The following SF3B1 variants were observed in gnomAD, a reference collection of about 807,000 sequenced individuals.
The protein encoded by SF3B1 is pre-mRNA processing 10.
Under a neutral mutation model 153.8 loss-of-function variants are expected in SF3B1, and 12 were observed. The ratio of observed to expected loss-of-function variants is 0.08; its 90% confidence interval spans 0.05 to 0.13. The LOEUF is 0.13. Among genes scored for constraint, SF3B1 ranks in the 10% least tolerant of loss-of-function variants. The pLI is 1.00. For missense variants in SF3B1, 513 were observed against 1,606.1 expected, an observed-to-expected ratio of 0.32 and a Z score of 11.63; for synonymous variants, 498 against 525.2, an observed-to-expected ratio of 0.95 and a Z score of 0.71.
At chr2:197,422,667 GA>G (rs1280471602) in intron 2 of SF3B1, among the ~76,000 whole-genome samples, 2 of 151,968 alleles carry the variant, frequency 1.3e-5, no homozygotes, top group East Asian at 3.9e-4. Context: ...GAGGCAGGTG[GA>G]TCACGAGCTC....
chr2:197,399,050 GA>G, intron 20 of SF3B1: 1 of 1,299,104 alleles, frequency 7.7e-7, no homozygotes, highest in Admixed American at 2.4e-5. Context: ...TACGAAGAGA[GA>G]AAAAAGGAGG....
At chr2:197,398,816 A>G in intron 20 of SF3B1, 1 of 518,556 alleles carries the variant, frequency 1.9e-6, no homozygotes, top group Non-Finnish European at 3.6e-6. Flanking sequence ...GATGATGGAT[A>G]CTCAATAACA....
chr2:197,391,665 A>C lies in SF3B1; in HGVS notation c.*638T>G, dbSNP rs146620696. ...GTTCATAAAGCATTTTGAGAAATCA[A>C]GAGATGAAAGGCGCTATGTAAGTAC... On this transcript the variant is annotated 3_prime_UTR_variant, in exon 25 of 25. Coordinates refer to ENST00000335508, the MANE Select transcript of SF3B1 (RefSeq NM_012433.4). 12 of 152,378 alleles carry C rather than the reference A, an allele frequency of 7.9e-5. No individual in the cohort carries two copies. The highest frequency in any genetic ancestry group is 2.6e-4 in the African/African-American group (11 of 41,596). 9.4% of individuals were successfully genotyped at this position (152,378 alleles called of 1,614,324 possible). A position where few individuals can be genotyped will look rare whatever the true frequency, so the allele number is the denominator to read the frequency against.
chr2:197,415,083 G>A (rs1482590333), intron 6 of SF3B1, among the ~76,000 whole-genome samples: 1 of 151,046 alleles, frequency 6.6e-6, no homozygotes, highest in Non-Finnish European at 1.5e-5. Flanking sequence ...ATGTGAATGG[G>A]GTTAAGAGAT....
chr2:197,418,688 T>C (rs2085193095), intron 4 of SF3B1, 100 bp from the exon 5 acceptor site: 1 of 1,470,044 alleles, frequency 6.8e-7, no homozygotes, highest in Non-Finnish European at 9.0e-7. Context: ...TGTTATTCCA[T>C]AATCATTTAA....
chr2:197,391,685 A>G lies in SF3B1; in HGVS notation c.*618T>C, dbSNP rs1202800222. ...AATCAAGAGATGAAAGGCGCTATGT[A>G]AGTACAAAATATTCAAGACAGTTTA... On this transcript the variant is annotated 3_prime_UTR_variant, in exon 25 of 25. Transcript: ENST00000335508. 2 of 152,314 alleles carry G rather than the reference A, an allele frequency of 1.3e-5. No homozygotes were observed. The highest frequency in any genetic ancestry group is 2.9e-5 in the Non-Finnish European group (2 of 68,072). The allele number at this position is 152,314 out of a possible 1,614,324, so 9.4% of individuals were successfully genotyped here.
chr2:197,425,683 A>G (rs1279501704), intron 1 of SF3B1, among the ~76,000 whole-genome samples: 3 of 152,072 alleles, frequency 2.0e-5, no homozygotes, highest in East Asian at 1.9e-4. Context: ...ACATTTCCAC[A>G]TAAGAAAGGA....
At chr2:197,398,727 A>T in intron 20 of SF3B1, 146 bp from the exon 21 acceptor site, 1 of 725,462 alleles carries the variant, frequency 1.4e-6, no homozygotes, top group South Asian at 1.9e-5. Context: ...TTCTGACCAG[A>T]CTCAGAATCG....
At chr2:197,434,306 C>T (rs893198308) in intron 1 of SF3B1, among the ~76,000 whole-genome samples, 5 of 152,182 alleles carry the variant, frequency 3.3e-5, no homozygotes, top group Admixed American at 1.3e-4. Context: ...ATAAAACGAT[C>T]AACTAGCTTG....
chr2:197,391,970 C>A lies in SF3B1; in HGVS notation c.*333G>T. 4.8e-6 allele frequency: 1 copy of A among 210,122 alleles called. No individual in the cohort carries two copies. Among genetic ancestry groups the A allele is most frequent in the Middle Eastern group, 1.6e-3 (1 of 622 alleles). 13.0% of individuals were successfully genotyped at this position (210,122 alleles called of 1,614,324 possible). ...ACAAGTCATGTTCAAAAAACACACA[C>A]AAATTAGCATTTTGTACACAAATGT... is the stretch of plus-strand genomic sequence containing the variant. On this transcript the variant is annotated 3_prime_UTR_variant, in exon 25 of 25. Coordinates refer to ENST00000335508, the MANE Select transcript of SF3B1 (RefSeq NM_012433.4).
chr2:197,411,787 A>C (rs959255702), intron 6 of SF3B1, among the ~76,000 whole-genome samples: 2 of 152,026 alleles, frequency 1.3e-5, no homozygotes, highest in Non-Finnish European at 2.9e-5. Context: ...AAGACTCAAT[A>C]GTTTTTCCCT....
In SF3B1 at chr2:197,393,201, G is replaced by A. The variant is rs2084832382; in HGVS notation, c.3540-13C>T. 5.7e-6 allele frequency: 9 copies of A among 1,587,338 alleles called. No homozygotes were observed. The highest frequency in any genetic ancestry group is 6.9e-6 in the Non-Finnish European group (8 of 1,156,874). Reference sequence around the variant, plus strand: ...GTGTACAAGGTCTCTACAACGGAAGGGAAAAAAGTCCTTTAAGATGCGGTC... The same window carrying A: ...GTGTACAAGGTCTCTACAACGGAAGAGAAAAAAGTCCTTTAAGATGCGGTC... On this transcript the variant is annotated splice_polypyrimidine_tract_variant and intron_variant, in intron 23 of 24. Coordinates refer to ENST00000335508, the MANE Select transcript of SF3B1 (RefSeq NM_012433.4).
intron 2 of SF3B1, among the ~76,000 whole-genome samples, chr2:197,423,515 C>G (rs2085282031): frequency 6.6e-6 from 1 of 152,132 alleles, no homozygotes. Flanking sequence ...ACAGGCTACT[C>G]TAGATAGAGC....
rs769072337 is a variant in SF3B1, at chr2:197,401,546, A to G, written c.2371-21T>C. 7 of 1,602,400 alleles carry G rather than the reference A, an allele frequency of 4.4e-6. No homozygotes were observed. The African/African-American group carries it at 9.4e-5, about 22-fold the overall frequency. On this transcript the variant is annotated intron_variant, in intron 16 of 24. Transcript: ENST00000335508. The surrounding 1 kb of genome is among the most constrained non-coding windows in gnomAD (Gnocchi z 4.2). ...ACCACCTAAAAGGTTAAGAAATAGT[A>G]ATAATAAATCAACTGACCTGAAATG...
chr2:197,426,307 T>A (rs1217563324), intron 1 of SF3B1, among the ~76,000 whole-genome samples: 1 of 152,030 alleles, frequency 6.6e-6, no homozygotes, highest in African/African-American at 2.4e-5. Flanking sequence ...TTTCTTTTCT[T>A]TTTTTGAGGC....
In SF3B1 at chr2:197,422,305, A is replaced by G. The variant is rs575669368; in HGVS notation, c.196-1172T>C. Among the ~76,000 whole-genome samples the G allele has an allele frequency of 7.9e-5, 12 of 152,224 alleles. No homozygotes were observed. In the East Asian group the frequency reaches 2.3e-3, roughly 29 times the overall value. ...ATAAAATGTGACTTGAATTTCTTAAAAATAACCAGTTGGCACCGCATGTTC... is the reference window on the plus strand; with the variant it reads ...ATAAAATGTGACTTGAATTTCTTAAGAATAACCAGTTGGCACCGCATGTTC... On this transcript the variant is annotated intron_variant, in intron 2 of 24. Coordinates refer to ENST00000335508, the MANE Select transcript of SF3B1 (RefSeq NM_012433.4).
intron 4 of SF3B1, chr2:197,419,629 C>T: frequency 8.9e-6 from 2 of 223,674 alleles, no homozygotes; most frequent in East Asian, 1.3e-4. Flanking sequence ...ACAGGACTGG[C>T]ATATAGCAGT....
At chr2:197,433,489 A>G (rs73988463) in intron 1 of SF3B1, among the ~76,000 whole-genome samples, 3,452 of 152,340 alleles carry the variant, frequency 0.023, 123 homozygotes, top group African/African-American at 0.08. Flanking sequence ...GCACAACTTT[A>G]TATTTTCTAC....
chr2:197,420,944 T>C, intron 3 of SF3B1, 85 bp downstream of exon 3: 1 of 794,450 alleles, frequency 1.3e-6, no homozygotes, highest in South Asian at 1.6e-5. Context: ...CCTTAAAGCA[T>C]CCTAAAATTT....
Sources: gnomAD v4.1 joint callset for allele counts (sites outside exome capture counted in the v4.1 genomes callset) on GRCh38, gnomAD v4.1.1 for gene constraint, Gnocchi (gnomAD v3.1) non-coding constraint, MANE v1.5 for transcripts, NCBI Gene and HGNC (gene_info 2026-07-23, HGNC 2026-07-21) for gene names.